Variants in GABRB1 observed in about 807,000 individuals in gnomAD.
GABRB1 encodes the protein gamma-aminobutyric acid type A receptor subunit beta1.
Under a neutral mutation model 51.6 loss-of-function variants are expected in GABRB1, and 17 were observed. The ratio of observed to expected loss-of-function variants is 0.33; its 90% CI spans 0.23 to 0.49. The LOEUF (loss-of-function observed/expected upper bound fraction) is 0.49. GABRB1 is among the 20% of genes least tolerant of loss of function. The pLI is 0.99. For missense variants in GABRB1, 410 were observed against 600.6 expected (o/e 0.68, Z 3.32); for synonymous variants, 247 against 218.9 (o/e 1.13, Z -1.14).
At chr4:47,032,919 G>A (rs939099253) in intron 3 of GABRB1, 7 of 359,790 alleles carry the variant, frequency 1.9e-5, no homozygotes, top group Non-Finnish European at 3.3e-5. Flanking sequence ...CAGTCCGCGA[G>A]CCCGGATGCA....
At chr4:47,002,669 T>C (rs534893527) in intron 1 of GABRB1, among the ~76,000 whole-genome samples, 3 of 152,158 alleles carry the variant, frequency 2.0e-5, no homozygotes, top group Admixed American at 6.5e-5. Context: ...CATAGATATA[T>C]ACTAGCCTGC....
At chr4:47,183,856 C>G (rs1016139165) in intron 4 of GABRB1, among the ~76,000 whole-genome samples, 2 of 151,838 alleles carry the variant, frequency 1.3e-5, no homozygotes, top group Non-Finnish European at 2.9e-5. Context: ...ATTTCATTGA[C>G]CTCCAGCTTC....
intron 4 of GABRB1, among the ~76,000 whole-genome samples, chr4:47,226,490 T>A (rs189134081): frequency 7.6e-4 from 116 of 152,210 alleles, no homozygotes; most frequent in South Asian, 2.1e-3. Context: ...GAAAAGAGCA[T>A]CCTCTCCTCT....
intron 4 of GABRB1, among the ~76,000 whole-genome samples, chr4:47,202,604 T>G (rs1330470786): frequency 6.6e-6 from 1 of 152,126 alleles, no homozygotes; most frequent in Admixed American, 6.6e-5. Context: ...AGAGAACAAT[T>G]GAAATACATC....
chr4:47,035,665 C>G lies in GABRB1; in HGVS notation c.240+3181C>G, dbSNP rs112981026. 2.8e-3 allele frequency among the ~76,000 whole-genome samples: 433 copies of G among 152,132 alleles called. 3 individuals are homozygous for G. The highest frequency in any genetic ancestry group is 9.4e-3 in the African/African-American group (391 of 41,518). ...AGACACACACACACATACACACACA[C>G]GCACAAAGAGGACTGACTAAAGATG... On this transcript the variant is annotated intron_variant, in intron 3 of 8. Coordinates refer to ENST00000295454, the MANE Select transcript of GABRB1 (RefSeq NM_000812.4).
intron 3 of GABRB1, among the ~76,000 whole-genome samples, chr4:47,085,629 C>T (rs1728025890): frequency 6.6e-6 from 1 of 152,094 alleles, no homozygotes. Flanking sequence ...AAGGAAAGAA[C>T]ATATTGAATT....
At chr4:47,162,005 A>C (rs1717974989) in intron 4 of GABRB1, among the ~76,000 whole-genome samples, 1 of 152,194 alleles carries the variant, frequency 6.6e-6, no homozygotes, top group South Asian at 2.1e-4. Context: ...TTGGTTATTT[A>C]GTTGATAGCT....
intron 3 of GABRB1, among the ~76,000 whole-genome samples, chr4:47,108,598 T>TAA (rs1395687220): frequency 1.3e-5 from 2 of 152,074 alleles, no homozygotes; most frequent in Non-Finnish European, 2.9e-5. Flanking sequence ...TTTTAACAAA[T>TAA]AATGTATTGC....
chr4:47,172,026 AT>A (rs1390577198), intron 4 of GABRB1, among the ~76,000 whole-genome samples: 5 of 152,270 alleles, frequency 3.3e-5, no homozygotes, highest in African/African-American at 9.6e-5. Context: ...AAATATAATA[AT>A]AAGCCTGGTA....
chr4:47,418,473 A>G (rs1322475936), intron 8 of GABRB1, among the ~76,000 whole-genome samples: 3 of 152,194 alleles, frequency 2.0e-5, no homozygotes, highest in Non-Finnish European at 4.4e-5. Context: ...CACCCACATT[A>G]TCGAGGGTAA....
At position 47,350,210 on chromosome 4, in the gene GABRB1, TATATATATAG is replaced by T. The variant is rs1488006014; in HGVS notation, c.544+30003_544+30012del. Among the ~76,000 whole-genome samples, 400 of 88,704 alleles carry T rather than the reference TATATATATAG, an allele frequency of 4.5e-3. 1 individual carries two copies. Among genetic ancestry groups the T allele is most frequent in the Admixed American group, 0.01 (79 of 7,524 alleles). 58.2% of individuals were successfully genotyped at this position (88,704 alleles called of 152,430 possible). On this transcript the variant is annotated intron_variant, in intron 5 of 8. Transcript: ENST00000295454. ...ATATATATATATATATATATATATA[TATATATATAG>T]AGAGAGAGAGAGAGAGAGAGAGAGG...
chr4:47,207,221 T>C (rs1481267090), intron 4 of GABRB1, among the ~76,000 whole-genome samples: 1 of 152,036 alleles, frequency 6.6e-6, no homozygotes, highest in Non-Finnish European at 1.5e-5. Flanking sequence ...AGTCAATCCA[T>C]TAACTTGATG....
At chr4:47,365,831 T>C (rs1010943177) in intron 5 of GABRB1, among the ~76,000 whole-genome samples, 1 of 152,182 alleles carries the variant, frequency 6.6e-6, no homozygotes, top group Non-Finnish European at 1.5e-5. Context: ...GCTAACCTGC[T>C]CTCTCCCTTG....
At chr4:47,197,655 T>C (rs1416696265) in intron 4 of GABRB1, among the ~76,000 whole-genome samples, 2 of 152,226 alleles carry the variant, frequency 1.3e-5, no homozygotes, top group Non-Finnish European at 2.9e-5. Context: ...CACTGGAACA[T>C]AGGCATCTTG....
intron 4 of GABRB1, among the ~76,000 whole-genome samples, chr4:47,210,029 T>C (rs1720294526): frequency 6.6e-6 from 1 of 152,126 alleles, no homozygotes; most frequent in Non-Finnish European, 1.5e-5. Flanking sequence ...AGAAATATAT[T>C]GAAGGCCTGG....
At chr4:47,004,318 T>A (rs1458794459) in intron 1 of GABRB1, among the ~76,000 whole-genome samples, 2 of 152,210 alleles carry the variant, frequency 1.3e-5, no homozygotes, top group Non-Finnish European at 2.9e-5. Flanking sequence ...TTCTTAAAGT[T>A]CTTTAATTTT....
At chr4:47,009,956 G>A (rs530603063) in intron 1 of GABRB1, among the ~76,000 whole-genome samples, 1 of 152,232 alleles carries the variant, frequency 6.6e-6, no homozygotes, top group East Asian at 1.9e-4. Context: ...CTTTTTAAAG[G>A]CTCTACTAAA....
intron 4 of GABRB1, among the ~76,000 whole-genome samples, chr4:47,232,664 C>T (rs1000092167): frequency 6.6e-6 from 1 of 152,122 alleles, no homozygotes; most frequent in African/African-American, 2.4e-5. Context: ...TCCTTGCCTG[C>T]TTATCCATTT....
chr4:47,128,357 G>C (rs1716258157), intron 3 of GABRB1, among the ~76,000 whole-genome samples: 1 of 151,714 alleles, frequency 6.6e-6, no homozygotes, highest in Admixed American at 6.6e-5. Flanking sequence ...ACCAAATTAA[G>C]TATGAGAGAG....
Sources: gnomAD v4.1 joint callset for allele counts (sites outside exome capture counted in the v4.1 genomes callset) on GRCh38, gnomAD v4.1.1 for gene constraint, MANE v1.5 for transcripts, NCBI Gene and HGNC (gene_info 2026-07-23, HGNC 2026-07-21) for gene names.